Variants in DTNB observed in about 807,000 individuals in gnomAD.
DTNB encodes DTN-B.
DTNB carries 63 observed loss-of-function variants against 90.7 expected under a neutral mutation model. The observed-to-expected ratio is 0.69, with a 90% confidence interval of 0.57 to 0.86. The LOEUF is 0.86. Ranked by LOEUF, DTNB falls within the 40% of genes least tolerant of loss-of-function variation. The probability of loss-of-function intolerance (pLI) is 0.00; values close to 1 mark genes in which losing one functional copy is unlikely to be tolerated. For missense variants in DTNB, 744 were observed against 807.1 expected, an observed-to-expected ratio of 0.92 and a Z score of 0.95; for synonymous variants, 277 against 286.7, an observed-to-expected ratio of 0.97 and a Z score of 0.34.
At chr2:25,441,658 A>G (rs1217431367) in intron 12 of DTNB, among the ~76,000 whole-genome samples, 2 of 152,236 alleles carry the variant, frequency 1.3e-5, no homozygotes, top group African/African-American at 2.4e-5. Flanking sequence ...TGCTCTTTCA[A>G]GAAGTTTCTT....
chr2:25,454,817 A>G (rs1028508482), intron 11 of DTNB, among the ~76,000 whole-genome samples: 1 of 152,224 alleles, frequency 6.6e-6, no homozygotes, highest in African/African-American at 2.4e-5. Flanking sequence ...CTATTATAAT[A>G]CATGTAACTA....
Position 25,423,156 on chromosome 2 carries a change from C to T in DTNB, c.1555-3621G>A, listed in dbSNP as rs147660425. On this transcript the variant is annotated intron_variant, in intron 15 of 20. Coordinates refer to ENST00000406818, the MANE Select transcript of DTNB (RefSeq NM_021907.5). ...AGGTTGCAGGGAGCCAAGATTGTGC[C>T]ACTGCACCCCAGCCTGGGCAACAGA... Among the ~76,000 whole-genome samples, 1,350 of 152,184 alleles carry T rather than the reference C, an allele frequency of 8.9e-3. 27 individuals are homozygous for T. Among genetic ancestry groups the T allele is most frequent in the African/African-American group, 0.031 (1,291 of 41,504 alleles).
chr2:25,389,266 A>C (rs1331082476), intron 16 of DTNB, among the ~76,000 whole-genome samples: 3 of 152,260 alleles, frequency 2.0e-5, no homozygotes, highest in Non-Finnish European at 4.4e-5. Flanking sequence ...CAAGGGTGGC[A>C]GTGTGCACTC....
At position 25,653,507 on chromosome 2, in the gene DTNB, CT is replaced by C. The variant is rs1408085550; in HGVS notation, c.-1-847del. Among the ~76,000 whole-genome samples, 601 of 109,298 alleles carry C rather than the reference CT, an allele frequency of 5.5e-3. 4 individuals are homozygous for C. Among genetic ancestry groups the C allele is most frequent in the Non-Finnish European group, 8.6e-3 (493 of 57,224 alleles). 71.7% of individuals were successfully genotyped at this position (109,298 alleles called of 152,430 possible). A position where few individuals can be genotyped will look rare whatever the true frequency, so the allele number is the denominator to read the frequency against. ...TCTTTCTTTCTTTCTTTCTTTCTTT[CT>C]TTCTTTCTTTTTTTTTTTTTTTTTT... On this transcript the variant is annotated intron_variant, in intron 1 of 20. Coordinates refer to ENST00000406818, the MANE Select transcript of DTNB (RefSeq NM_021907.5).
At chr2:25,487,728 A>G (rs1575033515) in intron 9 of DTNB, among the ~76,000 whole-genome samples, 1 of 152,364 alleles carries the variant, frequency 6.6e-6, no homozygotes, top group African/African-American at 2.4e-5. Flanking sequence ...TAGAAATAGT[A>G]TGTAAAATGG....
chr2:25,671,983 T>C (rs1236686178), intron 1 of DTNB, among the ~76,000 whole-genome samples: 2 of 152,022 alleles, frequency 1.3e-5, no homozygotes, highest in African/African-American at 2.4e-5. Flanking sequence ...AAGTGTTCTC[T>C]AGACAACACT....
intron 10 of DTNB, among the ~76,000 whole-genome samples, chr2:25,464,361 C>T (rs1250825326): frequency 6.6e-6 from 1 of 152,170 alleles, no homozygotes; most frequent in Admixed American, 6.5e-5. Context: ...CAAAAGGCAG[C>T]ATGTCAAAGG....
intron 6 of DTNB, among the ~76,000 whole-genome samples, chr2:25,590,470 A>G (rs1369168534): frequency 1.3e-5 from 2 of 151,798 alleles, no homozygotes; most frequent in African/African-American, 2.4e-5. Flanking sequence ...TTCAGCTCTC[A>G]GCATAGAGGA....
chr2:25,577,954 C>T (rs922421215), intron 7 of DTNB, among the ~76,000 whole-genome samples: 8 of 152,032 alleles, frequency 5.3e-5, no homozygotes, highest in African/African-American at 1.4e-4. Flanking sequence ...GAGCCAAGAT[C>T]GCACCATTGC....
chr2:25,444,440 C>T (rs1433371521), intron 12 of DTNB, among the ~76,000 whole-genome samples: 2 of 150,498 alleles, frequency 1.3e-5, no homozygotes, highest in Admixed American at 1.3e-4. Context: ...GAAGCTGAGG[C>T]AGGAGAATTT....
intron 9 of DTNB, among the ~76,000 whole-genome samples, chr2:25,529,564 G>C (rs1486205139): frequency 6.6e-6 from 1 of 152,052 alleles, no homozygotes; most frequent in African/African-American, 2.4e-5. Flanking sequence ...ACTGTGTAGG[G>C]GTGGGAGACA....
chr2:25,487,427 A>G (rs1425215114), intron 9 of DTNB, among the ~76,000 whole-genome samples: 2 of 152,236 alleles, frequency 1.3e-5, no homozygotes, highest in Non-Finnish European at 2.9e-5. Flanking sequence ...CTTAAAGTAT[A>G]TGGGAGTATG....
intron 8 of DTNB, among the ~76,000 whole-genome samples, chr2:25,551,212 G>T (rs1474741213): frequency 1.3e-5 from 2 of 152,010 alleles, no homozygotes; most frequent in Non-Finnish European, 2.9e-5. Context: ...TCATTTTCAC[G>T]ACTGCCTGTT....
At chr2:25,525,537 G>A (rs1217630491) in intron 9 of DTNB, among the ~76,000 whole-genome samples, 1 of 152,066 alleles carries the variant, frequency 6.6e-6, no homozygotes, top group East Asian at 1.9e-4. Context: ...TCGGGAGGCT[G>A]AGGCAGGAGA....
chr2:25,613,434 TC>T (rs2069217133), intron 4 of DTNB, among the ~76,000 whole-genome samples: 1 of 152,192 alleles, frequency 6.6e-6, no homozygotes. Flanking sequence ...TGTCTACTGT[TC>T]CCATGTTTAT....
intron 16 of DTNB, among the ~76,000 whole-genome samples, chr2:25,410,677 C>T (rs779387174): frequency 1.4e-4 from 21 of 152,256 alleles, no homozygotes; most frequent in South Asian, 6.2e-4. Context: ...GCTTCAGTCA[C>T]GCCACCCTGC....
At position 25,589,810 on chromosome 2, in the gene DTNB, G is replaced by A. The variant is rs762058160; in HGVS notation, c.603+6276C>T. 7.9e-5 allele frequency among the ~76,000 whole-genome samples: 12 copies of A among 152,320 alleles called. 1 individual carries two copies. Among genetic ancestry groups the A allele is most frequent in the South Asian group, 4.1e-4 (2 of 4,830 alleles). On this transcript the variant is annotated intron_variant, in intron 6 of 20. Coordinates refer to ENST00000406818, the MANE Select transcript of DTNB (RefSeq NM_021907.5). ...CTTTGTGGCCAGTGGCACCTTTGCC[G>A]GAGTTTTGCTTGGGCCCACTGGACT...
At chr2:25,490,333 A>G (rs1480480923) in intron 9 of DTNB, among the ~76,000 whole-genome samples, 1 of 152,136 alleles carries the variant, frequency 6.6e-6, no homozygotes, top group Non-Finnish European at 1.5e-5. Context: ...TGATCTTTTT[A>G]AAAAGGCAAT....
chr2:25,647,965 A>G (rs1327278716), intron 2 of DTNB, among the ~76,000 whole-genome samples: 2 of 152,218 alleles, frequency 1.3e-5, no homozygotes, highest in Non-Finnish European at 2.9e-5. Flanking sequence ...AGGAAGAGGA[A>G]AATACACAGC....
Sources: allele counts gnomAD v4.1 joint callset (sites outside exome capture counted in the v4.1 genomes callset), GRCh38; gene constraint gnomAD v4.1.1; transcripts MANE v1.5; gene names NCBI Gene and HGNC (gene_info 2026-07-23, HGNC 2026-07-21).